Variants in CAMSAP1 observed in about 807,000 individuals in gnomAD.
The protein encoded by CAMSAP1 is calmodulin-regulated spectrin-associated protein 1.
In CAMSAP1, 58 loss-of-function variants were observed where a neutral mutation model predicts 143.5. That is an observed-to-expected ratio of 0.40 (90% confidence interval 0.33 to 0.50). The LOEUF is 0.50. CAMSAP1 is among the 20% of genes least tolerant of loss of function. CAMSAP1 has a pLI of 0.45. For synonymous variants in CAMSAP1, 945 were observed against 859.3 expected (o/e 1.10, Z -1.74); for missense variants, 1,969 against 2,115.7 (o/e 0.93, Z 1.36).
Position 135,822,386 on chromosome 9 carries a change from C to A in CAMSAP1, c.2275G>T (p.Val759Leu). ...EHDFMGEAHP[V>L]VFSRYIGEEE... ...TCCCCAATGTATCTGCTGAAAACCA[C>A]AGGATGGGCCTCACCCATGAAATCG... The change falls in exon 11 of 17, where the codon GTG (valine) becomes TTG (leucine). Residue 759 changes from valine (V) to leucine (L), a missense_variant. Around this residue, in one of 4 missense-constraint regions of CAMSAP1, gnomAD observed 1,390 missense variants for 1,420.8 expected, o/e 0.98. Transcript: ENST00000389532. This position sits in a 1 kb window ranked among gnomAD's most constrained non-coding sequence, Gnocchi z 6.1. 9 of 1,614,022 alleles carry A rather than the reference C, an allele frequency of 5.6e-6. No individual in the cohort carries two copies. The highest frequency in any genetic ancestry group is 7.6e-6 in the Non-Finnish European group (9 of 1,179,906).
At chr9:135,835,494 G>A (rs1835993810) in intron 7 of CAMSAP1, among the ~76,000 whole-genome samples, 1 of 152,222 alleles carries the variant, frequency 6.6e-6, no homozygotes, top group Non-Finnish European at 1.5e-5. Flanking sequence ...GGCCTGGTCA[G>A]CAGAGTCACA....
chr9:135,821,016 G>T lies in CAMSAP1; in HGVS notation c.3645C>A (p.Val1215=), dbSNP rs1258274975. ...VKEVGSSSSD[V]SGKESVPVEE... ...CCACGGGGACGCTCTCTTTTCCCGA[G>T]ACATCTGAGGAGCTGGACCCCACCT... The change falls in exon 11 of 17, where the codon GTC becomes GTA. Residue 1215 remains valine (V), a synonymous_variant. Transcript: ENST00000389532. This position sits in a 1 kb window ranked among gnomAD's most constrained non-coding sequence, Gnocchi z 4.6. The T allele has an allele frequency of 2.5e-6, 4 of 1,613,126 alleles. No homozygotes were observed. The highest frequency in any genetic ancestry group is 3.4e-6 in the Non-Finnish European group (4 of 1,179,244).
intron 1 of CAMSAP1, among the ~76,000 whole-genome samples, chr9:135,895,028 G>C (rs1421278790): frequency 6.6e-6 from 1 of 152,168 alleles, no homozygotes; most frequent in East Asian, 1.9e-4. Context: ...TGACCTTGAG[G>C]TCAGATCAAG....
In CAMSAP1 at chr9:135,878,087, G is replaced by A. The variant is rs540672797; in HGVS notation, c.585+3546C>T. Among the ~76,000 whole-genome samples, 15 of 152,316 alleles carry A rather than the reference G, an allele frequency of 9.8e-5. 1 individual carries two copies. In the South Asian group the frequency reaches 2.9e-3, roughly 29 times the overall value. On this transcript the variant is annotated intron_variant, in intron 3 of 16. Coordinates refer to ENST00000389532, the MANE Select transcript of CAMSAP1 (RefSeq NM_015447.4). The stretch of plus-strand genomic sequence containing the variant: ...AATCACCAGGGAAAGGTGGAGGAAG[G>A]CCCCTTCAGAAGCTGTCTCAGAAAT...
intron 3 of CAMSAP1, 139 bp from the exon 4 acceptor site, chr9:135,866,675 C>G (rs2130944257): frequency 3.4e-6 from 2 of 593,540 alleles, no homozygotes; most frequent in Non-Finnish European, 6.1e-6. Context: ...GCCAATTACA[C>G]AGATACAGAA....
At chr9:135,817,299 C>T (rs577077451) in intron 14 of CAMSAP1, among the ~76,000 whole-genome samples, 2 of 152,116 alleles carry the variant, frequency 1.3e-5, no homozygotes, top group East Asian at 1.9e-4. Context: ...ACTGGTAACA[C>T]GAGAAAACAT....
At chr9:135,845,181 C>T (rs1448585748) in intron 7 of CAMSAP1, among the ~76,000 whole-genome samples, 1 of 152,198 alleles carries the variant, frequency 6.6e-6, no homozygotes, top group Non-Finnish European at 1.5e-5. Context: ...ATCAAGTTGG[C>T]TTCATACCAG....
chr9:135,836,522 C>T (rs1836048030), intron 7 of CAMSAP1: 1 of 983,196 alleles, frequency 1.0e-6, no homozygotes. Context: ...TCCACCCATT[C>T]CGCAGCCACA....
chr9:135,822,430 T>C lies in CAMSAP1; in HGVS notation c.2231A>G (p.Asp744Gly). 6.2e-7 allele frequency: 1 copy of C among 1,614,040 alleles called. No individual in the cohort carries two copies. The highest frequency in any genetic ancestry group is 8.5e-7 in the Non-Finnish European group (1 of 1,179,904). The change falls in exon 11 of 17, where the codon GAC (aspartate) becomes GGC (glycine). Residue 744 changes from aspartate (D) to glycine (G), a missense_variant. Transcript: ENST00000389532. This position sits in a 1 kb window ranked among gnomAD's most constrained non-coding sequence, Gnocchi z 6.1. ...LRQDSDSDVVDIEEAEHDFMG... is the reference protein window; with the variant it reads ...LRQDSDSDVVGIEEAEHDFMG... ...GAAATCGTGCTCGGCTTCCTCTATG[T>C]CCACCACATCCGAGTCAGAATCCTG...
Position 135,811,174 on chromosome 9 carries a change from G to C in CAMSAP1, c.*135C>G, listed in dbSNP as rs1230675766. On this transcript the variant is annotated 3_prime_UTR_variant, in exon 17 of 17. Coordinates refer to ENST00000389532, the MANE Select transcript of CAMSAP1 (RefSeq NM_015447.4). This position sits in a 1 kb window ranked among gnomAD's most constrained non-coding sequence, Gnocchi z 4.9. ...CTGTCTAGAAACCTCTTTGCAAAAG[G>C]TCTGTGACTTTGCACACTTCGTACC... 2 of 1,020,636 alleles carry C rather than the reference G, an allele frequency of 2.0e-6. No individual in the cohort carries two copies. Among genetic ancestry groups the C allele is most frequent in the East Asian group, 5.2e-5 (2 of 38,222 alleles). 63.2% of individuals were successfully genotyped at this position (1,020,636 alleles called of 1,614,324 possible).
In CAMSAP1 at chr9:135,826,462, C is replaced by A. The variant is rs1028597743; in HGVS notation, c.1223+945G>T. ...TATGCCCCACCCCTGGGTGTGTACCCCCCCACCACTGCCTGTATCACAAGG... is the reference window on the plus strand; with the variant it reads ...TATGCCCCACCCCTGGGTGTGTACCACCCCACCACTGCCTGTATCACAAGG... On this transcript the variant is annotated intron_variant, in intron 8 of 16. Coordinates refer to ENST00000389532, the MANE Select transcript of CAMSAP1 (RefSeq NM_015447.4). This position sits in a 1 kb window ranked among gnomAD's most constrained non-coding sequence, Gnocchi z 4.4. 1 of 152,518 alleles carries A rather than the reference C, an allele frequency of 6.6e-6. No homozygotes were observed. Among genetic ancestry groups the A allele is most frequent in the Non-Finnish European group, 1.5e-5 (1 of 68,110 alleles). The allele number at this position is 152,518 out of a possible 1,614,324, so 9.4% of individuals were successfully genotyped here. A position where few individuals can be genotyped will look rare whatever the true frequency, so the allele number is the denominator to read the frequency against.
chr9:135,880,951 G>A (rs1837926982), intron 3 of CAMSAP1, among the ~76,000 whole-genome samples: 1 of 152,100 alleles, frequency 6.6e-6, no homozygotes, highest in African/African-American at 2.4e-5. Context: ...CAGCATTTGG[G>A]AAAATGCCAT....
chr9:135,822,516 T>A lies in CAMSAP1; in HGVS notation c.2145A>T (p.Leu715Phe), dbSNP rs751984920. 3 of 1,613,862 alleles carry A rather than the reference T, an allele frequency of 1.9e-6. No individual in the cohort carries two copies. In the Admixed American group the frequency reaches 5.0e-5, roughly 27 times the overall value. The change falls in exon 11 of 17, where the codon TTA becomes TTT. Residue 715 changes from leucine (L) to phenylalanine (F), a missense_variant. Transcript: ENST00000389532. The surrounding 1 kb of genome is among the most constrained non-coding windows in gnomAD (Gnocchi z 6.1). ...TGGGGCTTTTTGAACAACTAACATA[T>A]AACCTTCCCTCGGTGTCTTCATCGG... is the stretch of plus-strand genomic sequence containing the variant. ...GRADEDTEGR[L>F]YVSCSKSPNS...
intron 5 of CAMSAP1, among the ~76,000 whole-genome samples, chr9:135,858,423 C>CA (rs1297324076): frequency 4.6e-5 from 7 of 152,176 alleles, no homozygotes; most frequent in African/African-American, 1.7e-4. Flanking sequence ...TGGGATACAT[C>CA]AGTGAGCAAA....
In CAMSAP1 at chr9:135,821,436, G is replaced by A. The variant is rs573187485; in HGVS notation, c.3225C>T (p.Phe1075=). The stretch of plus-strand genomic sequence containing the variant: ...CGCCCGTGGGAGAGAGTGGCTCCAC[G>A]AAGTGGACTGGTGCCTTCACTTTGT... ...QDHKVKAPVH[F]VEPLSPTGVA... is the part of the protein sequence containing the mutation. The change falls in exon 11 of 17, where the codon TTC becomes TTT. Residue 1075 remains phenylalanine, a synonymous_variant. Coordinates refer to ENST00000389532, the MANE Select transcript of CAMSAP1 (RefSeq NM_015447.4). This position sits in a 1 kb window ranked among gnomAD's most constrained non-coding sequence, Gnocchi z 4.6. 5.1e-5 allele frequency: 83 copies of A among 1,614,058 alleles called. No individual in the cohort carries two copies. The East Asian group carries it at 8.5e-4, about 16-fold the overall frequency.
chr9:135,892,848 CAAAAAAAA>C (rs59978082), intron 1 of CAMSAP1, among the ~76,000 whole-genome samples: 10 of 42,070 alleles, frequency 2.4e-4, no homozygotes, highest in South Asian at 1.0e-3. Flanking sequence ...AAGACTGTCT[CAAAAAAAA>C]AAAAAAAAAA....
At chr9:135,841,860 C>A (rs892331883) in intron 7 of CAMSAP1, among the ~76,000 whole-genome samples, 2 of 152,296 alleles carry the variant, frequency 1.3e-5, no homozygotes, top group East Asian at 1.9e-4. Context: ...ACATCAAAAA[C>A]CAAAGGTAGA....
chr9:135,903,657 G>A (rs920912950), intron 1 of CAMSAP1, among the ~76,000 whole-genome samples: 4 of 152,216 alleles, frequency 2.6e-5, no homozygotes, highest in African/African-American at 7.2e-5. Flanking sequence ...ACAAATGGAG[G>A]ATGGGCTTTA....
rs1255434203 is a variant in CAMSAP1, at chr9:135,823,036, A to C, written c.1625T>G (p.Leu542Arg). ...CACGTCTGCTCTAACAATAGCCACA[A>C]GCTCCTCTTCCTCATCCTCAATACT... The part of the protein sequence containing the change: ...NVSIEDEEEE[L>R]VAIVRADVVP... The change falls in exon 11 of 17, where the codon CTT (leucine) becomes CGT (arginine). Residue 542 changes from leucine (L) to arginine (R), a missense_variant. This residue lies in a region of CAMSAP1 where 1,390 missense variants were observed against 1,420.8 expected (regional missense o/e 0.98). Transcript: ENST00000389532. 1 of 1,613,786 alleles carries C rather than the reference A, an allele frequency of 6.2e-7. No homozygotes were observed. The highest frequency in any genetic ancestry group is 8.5e-7 in the Non-Finnish European group (1 of 1,179,882).
Sources: gnomAD v4.1 joint callset for allele counts (sites outside exome capture counted in the v4.1 genomes callset) on GRCh38, gnomAD v4.1.1 for gene constraint, gnomAD v4.1.1 regional missense constraint, Gnocchi (gnomAD v3.1) non-coding constraint, MANE v1.5 for transcripts, NCBI Gene and HGNC (gene_info 2026-07-23, HGNC 2026-07-21) for gene names.